The following ATG16L2 variants were observed in gnomAD, a reference collection of about 807,000 sequenced individuals.
The protein encoded by ATG16L2 is protein Atg16l2.
ATG16L2 carries 77 observed loss-of-function variants against 84.7 expected under a neutral mutation model. The observed-to-expected ratio is 0.91, with a 90% confidence interval of 0.76 to 1.10. The LOEUF is 1.10. Among genes scored for constraint, ATG16L2 ranks in the 50% least tolerant of loss-of-function variants. ATG16L2 has a pLI of 0.00. For missense variants in ATG16L2, 782 were observed against 817.6 expected (o/e 0.96, Z 0.53); for synonymous variants, 361 against 342.8 (o/e 1.05, Z -0.59).
chr11:72,842,854 A>C, exon 6 of ATG16L2: 1 of 1,602,814 alleles, frequency 6.2e-7, no homozygotes, highest in Non-Finnish European at 8.5e-7. Context: ...AGGGAGCAAG[A>C]GAAAAACAAA....
intron 13 of ATG16L2, 108 bp downstream of exon 13, chr11:72,826,931 CA>C: frequency 7.5e-7 from 1 of 1,332,814 alleles, no homozygotes; most frequent in South Asian, 1.4e-5. Context: ...GATTCATAGG[CA>C]TTTGGGGGTG....
intron 5 of ATG16L2, chr11:72,837,948 T>C (rs990442671): frequency 6.6e-6 from 1 of 152,224 alleles, no homozygotes; most frequent in African/African-American, 2.4e-5. Context: ...CTAAGGATAC[T>C]GGTAAGAAGA....
intron 5 of ATG16L2, among the ~76,000 whole-genome samples, chr11:72,835,839 C>T (rs929984422): frequency 6.6e-6 from 1 of 151,582 alleles, no homozygotes; most frequent in Admixed American, 6.6e-5. Context: ...ACCTCTGCCT[C>T]GCAGGTTCAA....
At chr11:72,842,568 G>A (rs1293396777) in intron 5 of ATG16L2, 1 of 1,607,646 alleles carries the variant, frequency 6.2e-7, no homozygotes, top group Non-Finnish European at 8.5e-7. Context: ...AGACCCTTTG[G>A]GAGCAATTTT....
At chr11:72,814,640 T>C (rs1197954898) in intron 1 of ATG16L2, 77 bp downstream of exon 1, 4 of 1,256,228 alleles carry the variant, frequency 3.2e-6, no homozygotes, top group Non-Finnish European at 4.4e-6. Context: ...TTTGGCTGGC[T>C]CCTCCGCCTG....
chr11:72,833,243 G>A (rs1860645046), downstream of ATG16L2, among the ~76,000 whole-genome samples: 1 of 152,116 alleles, frequency 6.6e-6, no homozygotes, highest in Non-Finnish European at 1.5e-5. Context: ...GGAGAGATCT[G>A]ACACCATCAG....
intron 1 of ATG16L2, 72 bp downstream of exon 1, chr11:72,814,635 C>A: frequency 7.8e-7 from 1 of 1,285,720 alleles, no homozygotes; most frequent in Non-Finnish European, 1.1e-6. Context: ...GAGGGTTTGG[C>A]TGGCTCCTCC....
chr11:72,818,021 A>C, intron 3 of ATG16L2, 166 bp downstream of exon 3: 1 of 656,444 alleles, frequency 1.5e-6, no homozygotes, highest in South Asian at 1.9e-5. Flanking sequence ...CAGGGGTCAG[A>C]GTGCCCTGGG....
Position 72,829,324 on chromosome 11 carries a change from C to T in ATG16L2, c.1794C>T (p.Ala598=). Reference sequence around the variant, plus strand: ...CCAGCGCTGCCGTCAACGCCGTGGCCTGGTGCTACTCCGGGAGCCACATGG... The same window carrying T: ...CCAGCGCTGCCGTCAACGCCGTGGCTTGGTGCTACTCCGGGAGCCACATGG... ...GPHCAAVNAV[A]WCYSGSHMVS... The change falls in exon 18 of 18, where the codon GCC becomes GCT. Residue 598 remains alanine (A), a synonymous_variant. Transcript: ENST00000321297. The T allele has an allele frequency of 6.2e-7, 1 of 1,613,262 alleles. No homozygotes were observed.
chr11:72,818,356 C>T (rs1859804772), intron 3 of ATG16L2: 1 of 156,108 alleles, frequency 6.4e-6, no homozygotes, highest in Admixed American at 6.1e-5. Flanking sequence ...TGATTGTTGC[C>T]TCTGAACTTC....
In ATG16L2 at chr11:72,817,768, G is replaced by C; in HGVS notation, c.231G>C (p.Glu77Asp). Residue 77 changes from glutamate (E) to aspartate (D), a missense_variant, in exon 3 of 18, where the codon GAG (glutamate) becomes GAC (aspartate). Physicochemically the swap from Glu to Asp is conservative, Grantham distance 45 (BLOSUM62 2). Transcript: ENST00000321297. ...TTHQGPWEES[E>D]LDSDQVPSLV... Reference sequence around the variant, plus strand: ...GATTGGTTGGCAGGGAGGAGTCAGAGCTTGACTCAGACCAAGTCCCATCAC... The same window carrying C: ...GATTGGTTGGCAGGGAGGAGTCAGACCTTGACTCAGACCAAGTCCCATCAC... 2 of 1,613,754 alleles carry C rather than the reference G, an allele frequency of 1.2e-6. No homozygotes were observed. The highest frequency in any genetic ancestry group is 1.7e-6 in the Non-Finnish European group (2 of 1,180,022).
intron 14 of ATG16L2, among the ~76,000 whole-genome samples, chr11:72,827,749 G>A (rs1174760052): frequency 2.0e-5 from 3 of 152,130 alleles, no homozygotes; most frequent in Admixed American, 2.0e-4. Context: ...GACCAGCCTA[G>A]CCAACATGGC....
rs752286622 is a variant in ATG16L2, at chr11:72,822,066, G to C, written c.415G>C (p.Val139Leu). Residue 139 changes from valine to leucine, a missense_variant, in exon 5 of 18, where the codon GTG becomes CTG. Coordinates refer to ENST00000321297, the MANE Select transcript of ATG16L2 (RefSeq NM_033388.2). This position sits in a 1 kb window ranked among gnomAD's most constrained non-coding sequence, Gnocchi z 4.2. ...CAGGCTGGCAGCCCTGGAGGCCCGCGTGGCGCAGCTGCGAGAGGCGCGGGC... is the reference window on the plus strand; with the variant it reads ...CAGGCTGGCAGCCCTGGAGGCCCGCCTGGCGCAGCTGCGAGAGGCGCGGGC... ...QSRLAALEAR[V>L]AQLREARAQQ... 1.3e-4 allele frequency: 201 copies of C among 1,521,224 alleles called. No homozygotes were observed. The highest frequency in any genetic ancestry group is 1.5e-4 in the Non-Finnish European group (174 of 1,149,950). 94.2% of individuals were successfully genotyped at this position (1,521,224 alleles called of 1,614,324 possible). A position where few individuals can be genotyped will look rare whatever the true frequency, so the allele number is the denominator to read the frequency against.
intron 14 of ATG16L2, 39 bp from the exon 15 acceptor site, chr11:72,828,320 A>T: frequency 1.9e-6 from 3 of 1,612,008 alleles, no homozygotes; most frequent in Non-Finnish European, 2.5e-6. Context: ...TGGCCTGGCT[A>T]GGCTGTTCCT....
Position 72,826,208 on chromosome 11 carries a change from G to A in ATG16L2, c.1138G>A (p.Gly380Ser), listed in dbSNP as rs921873055. ...GGCCAACCAGACCCTGGAGGGAGCTGGTGGCAGCATCACCAGTGTGGACTT... is the reference window on the plus strand; with the variant it reads ...GGCCAACCAGACCCTGGAGGGAGCTAGTGGCAGCATCACCAGTGTGGACTT... ...LEANQTLEGAGGSITSVDFDP... is the reference protein window; with the variant it reads ...LEANQTLEGASGSITSVDFDP... The change falls in exon 11 of 18, where the codon GGT becomes AGT. Residue 380 changes from glycine to serine, a missense_variant. By Grantham distance (56) the Gly-to-Ser change is moderately conservative. Transcript: ENST00000321297. The A allele has an allele frequency of 1.2e-6, 2 of 1,613,874 alleles. No individual in the cohort carries two copies. Among genetic ancestry groups the A allele is most frequent in the Admixed American group, 1.7e-5 (1 of 59,984 alleles).
chr11:72,834,657 A>AC (rs1860680172), intron 5 of ATG16L2, among the ~76,000 whole-genome samples: 1 of 150,632 alleles, frequency 6.6e-6, no homozygotes, highest in Non-Finnish European at 1.5e-5. Flanking sequence ...ATCTTGGCTC[A>AC]CCGCAACCTC....
intron 3 of ATG16L2, among the ~76,000 whole-genome samples, chr11:72,819,684 C>T (rs924325423): frequency 6.6e-6 from 1 of 152,176 alleles, no homozygotes; most frequent in Non-Finnish European, 1.5e-5. Flanking sequence ...TCCCAGGACA[C>T]ACACCAGCCA....
At position 72,826,586 on chromosome 11, in the gene ATG16L2, C is replaced by T; in HGVS notation, c.1242C>T (p.Ser414=). The change falls in exon 12 of 18, where the codon TCC becomes TCT. Residue 414 remains serine, a synonymous_variant. Transcript: ENST00000321297. ...AQLWKVGEAQ[S]KETLSGHKDK... is the part of the protein sequence containing the mutation. Reference sequence around the variant, plus strand: ...TCTGGAAGGTGGGGGAGGCACAGTCCAAGGTGAGGCCTGACTGGGGAGGCT... The same window carrying T: ...TCTGGAAGGTGGGGGAGGCACAGTCTAAGGTGAGGCCTGACTGGGGAGGCT... The T allele has an allele frequency of 6.2e-7, 1 of 1,614,144 alleles. No homozygotes were observed. The highest frequency in any genetic ancestry group is 1.6e-4 in the Middle Eastern group (1 of 6,062).
In ATG16L2 at chr11:72,827,225, CGTG is replaced by C. The variant is rs1202771381; in HGVS notation, c.1408_1410del (p.Val470del). The C allele has an allele frequency of 5.6e-6, 9 of 1,614,076 alleles. 1 individual carries two copies. The South Asian group carries it at 7.7e-5, about 14-fold the overall frequency. ...TCAATGTCCTTTCCTACTGTAATGA[CGTG>C]GTGTGTGGGGACCATATCATCATTA... On this transcript the variant is annotated inframe_deletion, in exon 14 of 18. Coordinates refer to ENST00000321297, the MANE Select transcript of ATG16L2 (RefSeq NM_033388.2).
Sources: allele counts gnomAD v4.1 joint callset (sites outside exome capture counted in the v4.1 genomes callset), GRCh38; gene constraint gnomAD v4.1.1; non-coding constraint Gnocchi (gnomAD v3.1); transcripts MANE v1.5; gene names NCBI Gene and HGNC (gene_info 2026-07-23, HGNC 2026-07-21).